The following NOL4 variants were observed in gnomAD, a reference collection of about 807,000 sequenced individuals.
NOL4 encodes the protein cancer/testis antigen 125.
A neutral mutation model predicts 75.9 loss-of-function variants in NOL4; 17 were observed. The observed-to-expected ratio is 0.22, with a 90% CI of 0.15 to 0.34. The LOEUF is 0.34. Among genes scored for constraint, NOL4 ranks in the 10% least tolerant of loss-of-function variants. The probability of loss-of-function intolerance (pLI) is 1.00; values close to 1 mark genes in which losing one functional copy is unlikely to be tolerated. For missense variants in NOL4, 614 were observed against 793.5 expected (o/e 0.77, Z 2.72); for synonymous variants, 292 against 289.9 (o/e 1.01, Z -0.07).
intron 5 of NOL4, among the ~76,000 whole-genome samples, chr18:34,075,439 G>A (rs970558545): frequency 1.3e-5 from 2 of 152,070 alleles, no homozygotes; most frequent in Non-Finnish European, 2.9e-5. Flanking sequence ...TGAGAATACT[G>A]AAGAAATTGT....
chr18:34,132,736 CAAA>C (rs35140600), intron 1 of NOL4, among the ~76,000 whole-genome samples: 3 of 106,624 alleles, frequency 2.8e-5, no homozygotes, highest in African/African-American at 3.6e-5. Flanking sequence ...TTCAAAAACG[CAAA>C]AAAAAAAAAA....
At position 33,958,246 on chromosome 18, in the gene NOL4, G is replaced by C; in HGVS notation, c.1229C>G (p.Ala410Gly). 6.2e-7 allele frequency: 1 copy of C among 1,612,962 alleles called. No individual in the cohort carries two copies. The highest frequency in any genetic ancestry group is 8.5e-7 in the Non-Finnish European group (1 of 1,179,304). The change falls in exon 7 of 11, where the codon GCT (alanine) becomes GGT (glycine). Residue 410 changes from alanine (A) to glycine (G), a missense_variant. Ala to Gly is a moderately conservative substitution (Grantham distance 60). Around this residue, in one of 9 missense-constraint regions of NOL4, gnomAD observed 52 missense variants for 121.1 expected, o/e 0.43. Transcript: ENST00000261592. Reference protein sequence around the residue: ...TDGVEAERLKAFNMFVRLFVD... With the variant: ...TDGVEAERLKGFNMFVRLFVD... ...GAGTGTGGCAGGACTCACATTAAAA[G>C]CTTTCAGCCGCTCGGCTTCAACGCC...
intron 6 of NOL4, among the ~76,000 whole-genome samples, chr18:33,978,521 T>C (rs2071685541): frequency 6.6e-6 from 1 of 152,148 alleles, no homozygotes; most frequent in South Asian, 2.1e-4. Context: ...ATGAAATTCC[T>C]TGAGGAATTA....
intron 10 of NOL4, among the ~76,000 whole-genome samples, chr18:33,881,603 C>T (rs2064277794): frequency 6.6e-6 from 1 of 151,570 alleles, no homozygotes; most frequent in Non-Finnish European, 1.5e-5. Context: ...TAGGAAGAAT[C>T]AATATCGTGA....
At chr18:34,120,670 G>T (rs531913798) in intron 2 of NOL4, among the ~76,000 whole-genome samples, 16 of 152,246 alleles carry the variant, frequency 1.1e-4, no homozygotes, top group African/African-American at 3.1e-4. Flanking sequence ...ATTCAACACA[G>T]AGTAAAAGAA....
chr18:33,914,581 G>A (rs1358303098), intron 9 of NOL4, among the ~76,000 whole-genome samples: 1 of 152,118 alleles, frequency 6.6e-6, no homozygotes, highest in African/African-American at 2.4e-5. Flanking sequence ...TGGCTAGGAA[G>A]TCATTGTAAT....
chr18:34,015,102 C>T (rs1436951252), intron 6 of NOL4, among the ~76,000 whole-genome samples: 1 of 151,978 alleles, frequency 6.6e-6, no homozygotes, highest in Non-Finnish European at 1.5e-5. Context: ...AAAGATTGCA[C>T]AGATTGAACA....
intron 1 of NOL4, among the ~76,000 whole-genome samples, chr18:34,172,025 C>T (rs2033094620): frequency 6.6e-6 from 1 of 151,962 alleles, no homozygotes; most frequent in South Asian, 2.1e-4. Flanking sequence ...CAAAAGCAAA[C>T]ACCTCAAAAT....
At chr18:33,968,775 A>G (rs1352860005) in intron 6 of NOL4, among the ~76,000 whole-genome samples, 1 of 152,150 alleles carries the variant, frequency 6.6e-6, no homozygotes, top group Non-Finnish European at 1.5e-5. Flanking sequence ...CCGGGAATCT[A>G]ATTTTTTAAA....
intron 9 of NOL4, among the ~76,000 whole-genome samples, chr18:33,884,153 G>C (rs910899675): frequency 6.6e-6 from 1 of 152,066 alleles, no homozygotes; most frequent in Non-Finnish European, 1.5e-5. Context: ...TAAATGAAGA[G>C]ATATTACAAT....
chr18:34,000,454 A>T (rs1378708897), intron 6 of NOL4, among the ~76,000 whole-genome samples: 1 of 152,140 alleles, frequency 6.6e-6, no homozygotes, highest in Non-Finnish European at 1.5e-5. Context: ...TAACTATCAT[A>T]GAGTAAGGAA....
At chr18:34,060,249 G>A (rs1451470873) in intron 5 of NOL4, among the ~76,000 whole-genome samples, 1 of 151,992 alleles carries the variant, frequency 6.6e-6, no homozygotes, top group Non-Finnish European at 1.5e-5. Flanking sequence ...TCTACCAAGT[G>A]GTCATTAATG....
At chr18:34,082,875 T>C (rs961408242) in intron 5 of NOL4, among the ~76,000 whole-genome samples, 3 of 152,146 alleles carry the variant, frequency 2.0e-5, no homozygotes, top group East Asian at 1.9e-4. Flanking sequence ...ATTAACCTCA[T>C]AGGGAGAGAT....
chr18:33,996,734 T>C (rs1009022455), intron 6 of NOL4, among the ~76,000 whole-genome samples: 9 of 151,796 alleles, frequency 5.9e-5, no homozygotes, highest in Non-Finnish European at 1.2e-4. Context: ...AGAAAGAAAA[T>C]GATTTCATTC....
chr18:33,913,436 C>T (rs2066527164), intron 9 of NOL4, among the ~76,000 whole-genome samples: 1 of 152,106 alleles, frequency 6.6e-6, no homozygotes, highest in Non-Finnish European at 1.5e-5. Context: ...GTGAACCATC[C>T]TAACGATACT....
chr18:34,152,754 G>A (rs989446109), intron 1 of NOL4, among the ~76,000 whole-genome samples: 46 of 151,722 alleles, frequency 3.0e-4, no homozygotes, highest in African/African-American at 1.1e-3. Flanking sequence ...AAAAATTATC[G>A]TGCAAGAAAG....
chr18:34,094,670 T>C (rs1467572058), intron 4 of NOL4, among the ~76,000 whole-genome samples: 2 of 152,232 alleles, frequency 1.3e-5, no homozygotes, highest in Admixed American at 6.5e-5. Context: ...TCAAAATCTC[T>C]AGCTTTGACT....
chr18:34,150,329 C>A (rs1276100012), intron 1 of NOL4, among the ~76,000 whole-genome samples: 1 of 151,474 alleles, frequency 6.6e-6, no homozygotes, highest in Non-Finnish European at 1.5e-5. Flanking sequence ...TAACACTACT[C>A]AATTTCAAGG....
At chr18:33,859,528 A>C (rs924949443) in intron 10 of NOL4, among the ~76,000 whole-genome samples, 5 of 152,100 alleles carry the variant, frequency 3.3e-5, no homozygotes, top group African/African-American at 1.2e-4. Flanking sequence ...TATCATTATG[A>C]CTTTCAATTT....
Sources: allele counts gnomAD v4.1 joint callset (sites outside exome capture counted in the v4.1 genomes callset), GRCh38; gene constraint gnomAD v4.1.1; regional missense constraint gnomAD v4.1.1; transcripts MANE v1.5; gene names NCBI Gene and HGNC (gene_info 2026-07-23, HGNC 2026-07-21).